MYO1D: variants seen among roughly 807,000 people sequenced by gnomAD.
MYO1D encodes unconventional myosin-Id.
A neutral mutation model predicts 122.0 loss-of-function variants in MYO1D; 83 were observed. The ratio of observed to expected loss-of-function variants is 0.68; its 90% CI spans 0.57 to 0.82. The LOEUF (loss-of-function observed/expected upper bound fraction) is 0.82. MYO1D is among the 40% of genes least tolerant of loss of function. The pLI is 0.00. For missense variants in MYO1D, 1,157 were observed against 1,269.5 expected, an observed-to-expected ratio of 0.91 and a Z score of 1.35; for synonymous variants, 464 against 446.9, an observed-to-expected ratio of 1.04 and a Z score of -0.48.
intron 21 of MYO1D, among the ~76,000 whole-genome samples, chr17:32,513,287 A>T (rs1909758629): frequency 6.6e-6 from 1 of 152,224 alleles, no homozygotes; most frequent in Admixed American, 6.5e-5. Flanking sequence ...AGGCAGAAAG[A>T]GCTGTGATCA....
chr17:32,645,323 G>A (rs537609528), intron 19 of MYO1D, among the ~76,000 whole-genome samples: 14 of 150,870 alleles, frequency 9.3e-5, no homozygotes, highest in Non-Finnish European at 1.8e-4. Context: ...TAACCCGAGG[G>A]CTGCCCTTAA....
intron 21 of MYO1D, among the ~76,000 whole-genome samples, chr17:32,580,289 ATTTTTTTTTTTTTTTTTTTTTT>A (rs71144843): frequency 1.3e-3 from 50 of 39,150 alleles, no homozygotes; most frequent in Admixed American, 3.0e-3. Flanking sequence ...TGCTAAGAGG[ATTTTTTTTTTTTTTTTTTTTTT>A]TTTTTTTTTT....
At chr17:32,870,359 G>T (rs1294490700) in intron 1 of MYO1D, among the ~76,000 whole-genome samples, 4 of 152,104 alleles carry the variant, frequency 2.6e-5, no homozygotes, top group Non-Finnish European at 5.9e-5. Flanking sequence ...CCAATGGCAG[G>T]TTTACATTTA....
chr17:32,747,451 C>A (rs1323916533), intron 12 of MYO1D, among the ~76,000 whole-genome samples: 3 of 152,084 alleles, frequency 2.0e-5, no homozygotes, highest in Non-Finnish European at 4.4e-5. Context: ...TGCCTTATAT[C>A]ATAAAATATG....
At chr17:32,629,722 T>C (rs972035556) in intron 20 of MYO1D, among the ~76,000 whole-genome samples, 5 of 140,112 alleles carry the variant, frequency 3.6e-5, no homozygotes, top group Non-Finnish European at 7.6e-5. Flanking sequence ...CAAAGCGAGA[T>C]TTCATCTCAA....
chr17:32,534,291 T>TGA (rs1243174673), intron 21 of MYO1D, among the ~76,000 whole-genome samples: 1 of 152,138 alleles, frequency 6.6e-6, no homozygotes, highest in Non-Finnish European at 1.5e-5. Flanking sequence ...CTCATCCTCC[T>TGA]GAGTATCTGG....
At chr17:32,870,636 C>T (rs1172127641) in intron 1 of MYO1D, among the ~76,000 whole-genome samples, 1 of 151,472 alleles carries the variant, frequency 6.6e-6, no homozygotes, top group Non-Finnish European at 1.5e-5. Context: ...GAAATAATTC[C>T]ATTGGTTGAA....
rs1188235754 is a variant in MYO1D at position 32,654,665 on chromosome 17, T to C, written c.2346-44A>G. On this transcript the variant is annotated intron_variant, in intron 17 of 21. Transcript: ENST00000318217. ...CATGTATTAGACTTTAGAAATGCAA[T>C]CCCATGCATTCTCTCTCTCTTTTTT... 5 of 1,482,144 alleles carry C rather than the reference T, an allele frequency of 3.4e-6. No individual in the cohort carries two copies. The Admixed American group carries it at 7.1e-5, about 21-fold the overall frequency. 91.8% of individuals were successfully genotyped at this position (1,482,144 alleles called of 1,614,324 possible). A position where few individuals can be genotyped will look rare whatever the true frequency, so the allele number is the denominator to read the frequency against.
chr17:32,603,548 CAG>C (rs1218225755), intron 21 of MYO1D, among the ~76,000 whole-genome samples: 4 of 111,844 alleles, frequency 3.6e-5, no homozygotes, highest in Non-Finnish European at 6.8e-5. Context: ...TTTTTTGAGA[CAG>C]AGTCTCCTTC....
intron 1 of MYO1D, among the ~76,000 whole-genome samples, chr17:32,825,563 G>C (rs2090714767): frequency 6.6e-6 from 1 of 152,280 alleles, no homozygotes; most frequent in South Asian, 2.1e-4. Flanking sequence ...AAATTGCTGG[G>C]ATTACAGGTG....
intron 16 of MYO1D, among the ~76,000 whole-genome samples, chr17:32,666,006 T>C (rs1189508723): frequency 6.6e-6 from 1 of 152,200 alleles, no homozygotes; most frequent in African/African-American, 2.4e-5. Flanking sequence ...TCTCCTCCAC[T>C]AAGCCTGGTG....
At chr17:32,748,075 C>T (rs372828933) in intron 12 of MYO1D, among the ~76,000 whole-genome samples, 2 of 152,272 alleles carry the variant, frequency 1.3e-5, no homozygotes, top group East Asian at 3.9e-4. Context: ...TTTTTGTTGA[C>T]TTAAGCCACC....
chr17:32,669,746 A>G (rs2088684228), intron 16 of MYO1D, among the ~76,000 whole-genome samples: 1 of 152,256 alleles, frequency 6.6e-6, no homozygotes, highest in Non-Finnish European at 1.5e-5. Context: ...AAGAGTAATT[A>G]TACCAGAAAA....
chr17:32,763,054 C>T (rs368864626), intron 8 of MYO1D, among the ~76,000 whole-genome samples: 45 of 151,102 alleles, frequency 3.0e-4, no homozygotes, highest in East Asian at 2.4e-3. Context: ...GGCGTGGTGG[C>T]GGTCGCCTGT....
At chr17:32,711,920 A>C in intron 16 of MYO1D, 68 bp downstream of exon 16, 1 of 1,299,936 alleles carries the variant, frequency 7.7e-7, no homozygotes, top group Non-Finnish European at 1.1e-6. Flanking sequence ...GAATTAAAGA[A>C]AATATGCAAC....
intron 1 of MYO1D, among the ~76,000 whole-genome samples, chr17:32,805,363 G>A (rs1002296549): frequency 2.6e-5 from 4 of 152,092 alleles, no homozygotes; most frequent in Non-Finnish European, 4.4e-5. Flanking sequence ...TTGGTTTCAC[G>A]CCTAATCCTT....
intron 21 of MYO1D, among the ~76,000 whole-genome samples, chr17:32,553,847 C>T (rs985970860): frequency 6.6e-6 from 1 of 152,220 alleles, no homozygotes; most frequent in Non-Finnish European, 1.5e-5. Flanking sequence ...CCAATCCACA[C>T]TCCCCAGTAC....
intron 1 of MYO1D, among the ~76,000 whole-genome samples, chr17:32,860,502 C>T (rs976211964): frequency 6.6e-5 from 10 of 152,230 alleles, no homozygotes; most frequent in African/African-American, 2.4e-4. Flanking sequence ...CTCACACCTA[C>T]AACAATGTTA....
intron 21 of MYO1D, among the ~76,000 whole-genome samples, chr17:32,515,027 A>G (rs547147219): frequency 6.6e-6 from 1 of 152,370 alleles, no homozygotes; most frequent in African/African-American, 2.4e-5. Context: ...CTAGAGAGTT[A>G]AAGGAGAAAA....
Sources: allele counts gnomAD v4.1 joint callset (sites outside exome capture counted in the v4.1 genomes callset), GRCh38; gene constraint gnomAD v4.1.1; transcripts MANE v1.5; gene names NCBI Gene and HGNC (gene_info 2026-07-23, HGNC 2026-07-21).